FBXL17: variants seen among roughly 807,000 people sequenced by gnomAD.
FBXL17 encodes F-box and leucine rich repeat protein 17, also known as F-box/LRR-repeat protein 17.
In FBXL17, 22 loss-of-function variants were observed where a neutral mutation model predicts 66.2. The ratio of observed to expected loss-of-function variants is 0.33; its 90% CI spans 0.24 to 0.47. The LOEUF (loss-of-function observed/expected upper bound fraction) is 0.47. Among genes scored for constraint, FBXL17 ranks in the 20% least tolerant of loss-of-function variants. The pLI is 1.00. For missense variants in FBXL17, 878 were observed against 948.2 expected, an observed-to-expected ratio of 0.93 and a Z score of 0.97; for synonymous variants, 474 against 400.5, an observed-to-expected ratio of 1.18 and a Z score of -2.19.
chr5:108,076,936 G>A (rs1460042666), intron 6 of FBXL17, among the ~76,000 whole-genome samples: 1 of 152,150 alleles, frequency 6.6e-6, no homozygotes, highest in Non-Finnish European at 1.5e-5. Flanking sequence ...TGACTTTATG[G>A]AGCCAATAAG....
chr5:107,937,597 G>A (rs992947913), intron 7 of FBXL17, among the ~76,000 whole-genome samples: 5 of 152,142 alleles, frequency 3.3e-5, no homozygotes, highest in Admixed American at 2.0e-4. Context: ...CTAATCATGA[G>A]ATGAACTTTC....
intron 6 of FBXL17, among the ~76,000 whole-genome samples, chr5:108,145,956 C>T (rs1333034812): frequency 2.6e-5 from 4 of 151,978 alleles, no homozygotes; most frequent in Non-Finnish European, 5.9e-5. Context: ...CAGTGGCTCA[C>T]GCCTTTAATC....
intron 4 of FBXL17, among the ~76,000 whole-genome samples, chr5:108,314,906 T>C (rs987664267): frequency 1.3e-5 from 2 of 151,360 alleles, no homozygotes; most frequent in African/African-American, 4.8e-5. Flanking sequence ...AAGTTTTATG[T>C]CTGTTGTATT....
rs535436794 is a variant in FBXL17, at chr5:108,116,540, C to T, written c.1745+69577G>A. Among the ~76,000 whole-genome samples, 36 of 151,640 alleles carry T rather than the reference C, an allele frequency of 2.4e-4. No individual in the cohort carries two copies. In the South Asian group the frequency reaches 7.5e-3, roughly 32 times the overall value. On this transcript the variant is annotated intron_variant, in intron 6 of 8. Coordinates refer to ENST00000542267, the MANE Select transcript of FBXL17 (RefSeq NM_001163315.3). ...GCATGTGCCTGTAGTCCCAGCTACT[C>T]AGAAGACTGAGGCAGGAGAATCGCT...
intron 7 of FBXL17, among the ~76,000 whole-genome samples, chr5:107,938,225 A>C (rs1200008635): frequency 6.6e-6 from 1 of 152,094 alleles, no homozygotes; most frequent in Non-Finnish European, 1.5e-5. Context: ...TGAGTGTTAG[A>C]AATGCTTTAA....
intron 7 of FBXL17, among the ~76,000 whole-genome samples, chr5:108,019,212 G>A (rs1274678691): frequency 6.6e-6 from 1 of 152,108 alleles, no homozygotes; most frequent in Non-Finnish European, 1.5e-5. Flanking sequence ...TTACAACTGA[G>A]GAAATGGAGT....
At chr5:108,100,920 T>C (rs1749575898) in intron 6 of FBXL17, among the ~76,000 whole-genome samples, 1 of 152,096 alleles carries the variant, frequency 6.6e-6, no homozygotes, top group Admixed American at 6.5e-5. Flanking sequence ...CAAATACAGA[T>C]GGAGCTGTAA....
At chr5:107,918,668 AAT>A (rs1453655956) in intron 7 of FBXL17, among the ~76,000 whole-genome samples, 4 of 152,244 alleles carry the variant, frequency 2.6e-5, no homozygotes, top group South Asian at 4.1e-4. Context: ...CTGTATTTGA[AAT>A]AGTTACCTTA....
At chr5:108,163,966 G>C (rs955676296) in intron 6 of FBXL17, among the ~76,000 whole-genome samples, 1 of 152,140 alleles carries the variant, frequency 6.6e-6, no homozygotes, top group Non-Finnish European at 1.5e-5. Context: ...TATTTTTCCA[G>C]ATTTTATCTC....
At chr5:108,050,319 G>A (rs563820863) in intron 6 of FBXL17, among the ~76,000 whole-genome samples, 147 of 152,152 alleles carry the variant, frequency 9.7e-4, no homozygotes, top group Non-Finnish European at 1.8e-3. Context: ...TGGAAGTAAA[G>A]CACTCCTCAG....
At chr5:108,019,960 A>T (rs1237230514) in intron 7 of FBXL17, among the ~76,000 whole-genome samples, 2 of 151,944 alleles carry the variant, frequency 1.3e-5, no homozygotes, top group African/African-American at 4.8e-5. Context: ...TTTTAAAATT[A>T]TAGCTTCAGT....
At position 108,186,155 on chromosome 5, in the gene FBXL17, G is replaced by A; in HGVS notation, c.1707C>T (p.Ser569=). ...MEIVKRCKNL[S]SLNLCLNWII... The stretch of plus-strand genomic sequence containing the variant: ...TCCAGTTCAGACAGAGATTGAGAGA[G>A]CTAAGATTTTTGCACCTCTTGACAA... The change falls in exon 6 of 9, where the codon AGC becomes AGT. Residue 569 remains serine (S), a synonymous_variant. Transcript: ENST00000542267. 2.5e-6 allele frequency: 4 copies of A among 1,612,116 alleles called. No homozygotes were observed. Among genetic ancestry groups the A allele is most frequent in the Non-Finnish European group, 3.4e-6 (4 of 1,178,332 alleles).
chr5:107,909,305 G>C (rs1749870509), intron 7 of FBXL17, among the ~76,000 whole-genome samples: 1 of 152,156 alleles, frequency 6.6e-6, no homozygotes, highest in Non-Finnish European at 1.5e-5. Context: ...CTTCAAGACT[G>C]TCAAATTAGC....
At chr5:108,378,336 T>TG (rs200435887) in intron 1 of FBXL17, among the ~76,000 whole-genome samples, 2 of 149,694 alleles carry the variant, frequency 1.3e-5, no homozygotes, top group African/African-American at 4.9e-5. Context: ...GTTTTTTGTT[T>TG]TTTTGTTTTG....
rs118143161 is a variant in FBXL17, at chr5:108,164,218, G to A, written c.1745+21899C>T. On this transcript the variant is annotated intron_variant, in intron 6 of 8. Transcript: ENST00000542267. ...CATAATTAATTTATTATCCAACCAT[G>A]ACATTAAGCCATACACGAACCAGGA... Among the ~76,000 whole-genome samples the A allele has an allele frequency of 5.9e-4, 90 of 152,290 alleles. No individual in the cohort carries two copies. In the East Asian group the frequency reaches 0.015, roughly 25 times the overall value.
intron 6 of FBXL17, among the ~76,000 whole-genome samples, chr5:108,023,442 T>A (rs1754675035): frequency 6.6e-6 from 1 of 152,146 alleles, no homozygotes; most frequent in Admixed American, 6.6e-5. Flanking sequence ...GTTTGTATTA[T>A]CCCATTACTA....
intron 7 of FBXL17, among the ~76,000 whole-genome samples, chr5:107,986,262 A>T (rs1329401565): frequency 1.3e-5 from 2 of 152,004 alleles, no homozygotes; most frequent in Non-Finnish European, 2.9e-5. Context: ...CAAAGATACT[A>T]TAAGAAAACC....
intron 3 of FBXL17, among the ~76,000 whole-genome samples, chr5:108,364,115 T>G (rs1336730067): frequency 6.6e-6 from 1 of 152,016 alleles, no homozygotes; most frequent in Non-Finnish European, 1.5e-5. Flanking sequence ...CTTCCCAAAT[T>G]TCTTTTCATA....
chr5:108,145,139 CTAGTT>C (rs1239872347), intron 6 of FBXL17, among the ~76,000 whole-genome samples: 3 of 152,140 alleles, frequency 2.0e-5, no homozygotes, highest in South Asian at 2.1e-4. Flanking sequence ...TTGATATACT[CTAGTT>C]TATAACACTT....
Sources: gnomAD v4.1 joint callset for allele counts (sites outside exome capture counted in the v4.1 genomes callset) on GRCh38, gnomAD v4.1.1 for gene constraint, MANE v1.5 for transcripts, NCBI Gene and HGNC (gene_info 2026-07-23, HGNC 2026-07-21) for gene names.